Variants in PPP2R2C observed in about 807,000 individuals in gnomAD.
PPP2R2C encodes the protein protein phosphatase 2, regulatory subunit B, gamma.
Under a neutral mutation model 45.3 loss-of-function variants are expected in PPP2R2C, and 10 were observed. The observed-to-expected ratio is 0.22, with a 90% CI of 0.14 to 0.37. The LOEUF is 0.37. Ranked by LOEUF, PPP2R2C falls within the 10% of genes least tolerant of loss-of-function variation. PPP2R2C has a pLI of 1.00. For missense variants in PPP2R2C, 308 were observed against 619.7 expected (o/e 0.50, Z 5.34); for synonymous variants, 257 against 245.4 (o/e 1.05, Z -0.44).
At chr4:6,439,623 C>T (rs1720051426) in intron 1 of PPP2R2C, among the ~76,000 whole-genome samples, 2 of 152,172 alleles carry the variant, frequency 1.3e-5, no homozygotes, top group African/African-American at 4.8e-5. Flanking sequence ...GTCTGCTCTT[C>T]TCCTCTGCTC....
chr4:6,561,857 C>A (rs1281934107), intron 1 of PPP2R2C, among the ~76,000 whole-genome samples: 1 of 152,210 alleles, frequency 6.6e-6, no homozygotes, highest in Non-Finnish European at 1.5e-5. Flanking sequence ...AGCCTGCCTA[C>A]CCCTTTTCTG....
intron 2 of PPP2R2C, among the ~76,000 whole-genome samples, chr4:6,510,980 C>CAAAAAAAAAAAAAAAAAAAAA (rs752037080): frequency 4.8e-5 from 2 of 41,334 alleles, no homozygotes; most frequent in Non-Finnish European, 1.9e-4. Context: ...CCGTCTCAAA[C>CAAAAAAAAAAAAAAAAAAAAA]AAAAAAAAAC....
At chr4:6,383,206 G>C (rs967111163) in intron 1 of PPP2R2C, 4 of 1,191,214 alleles carry the variant, frequency 3.4e-6, no homozygotes, top group Non-Finnish European at 4.2e-6. Context: ...TGGCCCCTGA[G>C]GGGGAGGAGG....
rs747462237 is a variant in PPP2R2C, at chr4:6,329,315, G to A, written c.999C>T (p.Tyr333=). 1.9e-5 allele frequency: 31 copies of A among 1,614,060 alleles called. No individual in the cohort carries two copies. The highest frequency in any genetic ancestry group is 3.3e-5 in the South Asian group (3 of 91,078). Residue 333 remains tyrosine, a synonymous_variant, in exon 8 of 9, where the codon TAC becomes TAT. Coordinates refer to ENST00000382599, the MANE Select transcript of PPP2R2C (RefSeq NM_020416.4). The surrounding 1 kb of genome is among the most constrained non-coding windows in gnomAD (Gnocchi z 5.8). ...ACTTGTCGAAAATGCAGTCGTTCTC[G>A]TACAGGGAACAGAGCTTGCTCCGAA... ...DYLRSKLCSL[Y]ENDCIFDKFE... is the part of the protein sequence containing the mutation.
intron 1 of PPP2R2C, chr4:6,381,846 T>G (rs757472446): frequency 6.2e-7 from 1 of 1,613,258 alleles, no homozygotes; most frequent in Admixed American, 1.7e-5. Context: ...GACAGCCCCA[T>G]CTCCAGGCCC....
At chr4:6,557,575 G>T (rs538874206) in intron 1 of PPP2R2C, among the ~76,000 whole-genome samples, 6 of 152,170 alleles carry the variant, frequency 3.9e-5, no homozygotes, top group Admixed American at 2.0e-4. Flanking sequence ...GGGAATAGCA[G>T]GGGCAAAGGG....
chr4:6,499,302 G>T (rs1216508988), intron 2 of PPP2R2C, among the ~76,000 whole-genome samples: 1 of 152,166 alleles, frequency 6.6e-6, no homozygotes, highest in Non-Finnish European at 1.5e-5. Context: ...GAGGGAATCA[G>T]ATAGGCATGA....
At chr4:6,381,240 A>G (rs1176623829) in intron 1 of PPP2R2C, 146 bp from the exon 2 acceptor site, 2 of 1,536,730 alleles carry the variant, frequency 1.3e-6, no homozygotes, top group Admixed American at 3.9e-5. Context: ...CTGAGGGGTC[A>G]GGAGCATCGG....
upstream of PPP2R2C, among the ~76,000 whole-genome samples, chr4:6,474,313 G>A (rs539797331): frequency 6.6e-6 from 1 of 152,136 alleles, no homozygotes; most frequent in African/African-American, 2.4e-5. Context: ...TTCAAGTCCT[G>A]ACCACAAGGG....
At chr4:6,435,517 T>A (rs1445195801) in intron 1 of PPP2R2C, among the ~76,000 whole-genome samples, 1 of 152,244 alleles carries the variant, frequency 6.6e-6, no homozygotes, top group African/African-American at 2.4e-5. Context: ...ATATTTTTCA[T>A]CTGTTACTTT....
chr4:6,360,097 A>C (rs759614234), intron 5 of PPP2R2C, among the ~76,000 whole-genome samples: 1 of 152,236 alleles, frequency 6.6e-6, no homozygotes, highest in African/African-American at 2.4e-5. Flanking sequence ...TGCCTAGCAC[A>C]GACCAGTCAA....
intron 2 of PPP2R2C, among the ~76,000 whole-genome samples, chr4:6,490,530 T>G (rs1211658139): frequency 2.6e-5 from 4 of 152,180 alleles, no homozygotes; most frequent in Non-Finnish European, 5.9e-5. Flanking sequence ...AATCGTGCCT[T>G]GAGGGCTCCA....
At chr4:6,452,110 G>T (rs1235861795) in intron 1 of PPP2R2C, among the ~76,000 whole-genome samples, 1 of 152,148 alleles carries the variant, frequency 6.6e-6, no homozygotes, top group Non-Finnish European at 1.5e-5. Context: ...GGAGGACAGG[G>T]CTGGGAGTGG....
At chr4:6,482,471 A>AT (rs1722387937) in intron 2 of PPP2R2C, among the ~76,000 whole-genome samples, 3 of 152,118 alleles carry the variant, frequency 2.0e-5, no homozygotes, top group African/African-American at 7.2e-5. Context: ...CTTTTGTTAG[A>AT]TTTTCTCTTA....
At chr4:6,326,093 G>A (rs1431662610) in intron 8 of PPP2R2C, among the ~76,000 whole-genome samples, 2 of 152,228 alleles carry the variant, frequency 1.3e-5, no homozygotes, top group African/African-American at 4.8e-5. Context: ...TGTCCATGCT[G>A]ATTGGTGCAA....
intron 2 of PPP2R2C, among the ~76,000 whole-genome samples, chr4:6,512,096 T>A: frequency 1.9e-5 from 1 of 52,814 alleles, no homozygotes; most frequent in Non-Finnish European, 3.6e-5. Context: ...GTGGTGGTGG[T>A]GGTGGTGGTG....
rs1732168904 is a variant in PPP2R2C, at chr4:6,328,898, G to A, written c.1052+364C>T. Among the ~76,000 whole-genome samples the A allele has an allele frequency of 6.6e-6, 1 of 152,066 alleles. No individual in the cohort carries two copies. The highest frequency in any genetic ancestry group is 1.5e-5 in the Non-Finnish European group (1 of 67,990). ...TGCAGGGCTGTCTCAGGACATACAG[G>A]TGTGGATGGATGATGGTGACCGGGT... On this transcript the variant is annotated intron_variant, in intron 8 of 8. Transcript: ENST00000382599. This position sits in a 1 kb window ranked among gnomAD's most constrained non-coding sequence, Gnocchi z 4.4.
At chr4:6,558,456 G>A (rs1218894258) in intron 1 of PPP2R2C, among the ~76,000 whole-genome samples, 5 of 152,140 alleles carry the variant, frequency 3.3e-5, no homozygotes, top group Admixed American at 1.3e-4. Flanking sequence ...GCAGGTGTGT[G>A]AGCCTTTACC....
At position 6,323,381 on chromosome 4, in the gene PPP2R2C, G is replaced by A; in HGVS notation, c.1265C>T (p.Pro422Leu). 1.2e-6 allele frequency: 2 copies of A among 1,613,932 alleles called. No individual in the cohort carries two copies. The highest frequency in any genetic ancestry group is 1.7e-6 in the Non-Finnish European group (2 of 1,179,828). Reference protein sequence around the residue: ...TKKILHTAWHPAENIIAIAAT... With the variant: ...TKKILHTAWHLAENIIAIAAT... ...GGCGATGGCAATGATGTTCTCAGCC[G>A]GGTGCCAGGCCGTGTGCAGGATCTT... Residue 422 changes from proline (P) to leucine (L), a missense_variant, in exon 9 of 9, where the codon CCG becomes CTG. Pro to Leu is a moderately conservative substitution (Grantham distance 98). Coordinates refer to ENST00000382599, the MANE Select transcript of PPP2R2C (RefSeq NM_020416.4).
Sources: gnomAD v4.1 joint callset for allele counts (sites outside exome capture counted in the v4.1 genomes callset) on GRCh38, gnomAD v4.1.1 for gene constraint, Gnocchi (gnomAD v3.1) non-coding constraint, MANE v1.5 for transcripts, NCBI Gene and HGNC (gene_info 2026-07-23, HGNC 2026-07-21) for gene names.